Variants in KIDINS220 observed in about 807,000 individuals in gnomAD.
KIDINS220 encodes the protein kinase D-interacting substrate of 220 kDa.
In KIDINS220, 63 loss-of-function variants were observed where a neutral mutation model predicts 157.6. The observed-to-expected ratio is 0.40, with a 90% CI of 0.33 to 0.49. KIDINS220 has a LOEUF of 0.49. Among genes scored for constraint, KIDINS220 ranks in the 20% least tolerant of loss-of-function variants. The pLI is 0.66. For synonymous variants in KIDINS220, 732 were observed against 783.6 expected, an observed-to-expected ratio of 0.93 and a Z score of 1.10; for missense variants, 1,772 against 2,171.2, an observed-to-expected ratio of 0.82 and a Z score of 3.65.
At chr2:8,771,601 T>C (rs1670242713) in intron 21 of KIDINS220, among the ~76,000 whole-genome samples, 1 of 152,246 alleles carries the variant, frequency 6.6e-6, no homozygotes, top group Admixed American at 6.5e-5. Flanking sequence ...CATCATTATC[T>C]ATTTTGTTTG....
chr2:8,816,892 G>C (rs1677158434), intron 4 of KIDINS220, among the ~76,000 whole-genome samples: 1 of 152,194 alleles, frequency 6.6e-6, no homozygotes, highest in African/African-American at 2.4e-5. Flanking sequence ...GAACTACTGT[G>C]AAATTATAAT....
chr2:8,784,844 C>A (rs1181041117), intron 17 of KIDINS220, among the ~76,000 whole-genome samples: 1 of 152,198 alleles, frequency 6.6e-6, no homozygotes, highest in South Asian at 2.1e-4. Context: ...TCAGAACAGT[C>A]TGGTTGTTTC....
At chr2:8,726,254 C>CTT (rs1663301731), downstream of KIDINS220, among the ~76,000 whole-genome samples, 3 of 152,138 alleles carry the variant, frequency 2.0e-5, no homozygotes, top group Non-Finnish European at 4.4e-5. Flanking sequence ...GCTACCCGGG[C>CTT]CCCACTCAAA....
intron 26 of KIDINS220, among the ~76,000 whole-genome samples, chr2:8,743,421 T>A (rs1488625880): frequency 6.6e-6 from 1 of 152,128 alleles, no homozygotes; most frequent in East Asian, 1.9e-4. Flanking sequence ...GTAGTAATAA[T>A]AATAATGAAG....
chr2:8,741,399 T>G (rs1278763307), intron 26 of KIDINS220, among the ~76,000 whole-genome samples: 1 of 152,176 alleles, frequency 6.6e-6, no homozygotes, highest in Non-Finnish European at 1.5e-5. Flanking sequence ...AAACACTGTT[T>G]CTACTGAAAG....
At chr2:8,752,462 G>A (rs186491901) in intron 22 of KIDINS220, among the ~76,000 whole-genome samples, 92 of 152,278 alleles carry the variant, frequency 6.0e-4, no homozygotes, top group Non-Finnish European at 1.2e-3. Flanking sequence ...AGACGCACAT[G>A]CACAGGTGTG....
chr2:8,741,557 G>A (rs1416277147), intron 26 of KIDINS220, among the ~76,000 whole-genome samples: 3 of 152,152 alleles, frequency 2.0e-5, no homozygotes, highest in Non-Finnish European at 2.9e-5. Flanking sequence ...TCCAGCCTGG[G>A]TGACAGAGCG....
intron 1 of KIDINS220, among the ~76,000 whole-genome samples, chr2:8,834,231 T>C (rs1680062945): frequency 1.3e-5 from 2 of 152,044 alleles, no homozygotes; most frequent in South Asian, 2.1e-4. Flanking sequence ...AACCATTCTG[T>C]GCTCAAAACA....
At chr2:8,746,049 T>C (rs917447976) in intron 26 of KIDINS220, among the ~76,000 whole-genome samples, 4 of 151,634 alleles carry the variant, frequency 2.6e-5, no homozygotes, top group Non-Finnish European at 5.9e-5. Flanking sequence ...TAAATGAAGA[T>C]TTTAAAGCTC....
At chr2:8,808,427 C>T (rs1185407024) in intron 6 of KIDINS220, among the ~76,000 whole-genome samples, 4 of 152,112 alleles carry the variant, frequency 2.6e-5, no homozygotes, top group Non-Finnish European at 5.9e-5. Flanking sequence ...CTGAACTATC[C>T]ACGATTATAT....
intron 28 of KIDINS220, among the ~76,000 whole-genome samples, 179 bp downstream of exon 28, chr2:8,734,476 T>C (rs1664593715): frequency 6.6e-6 from 1 of 152,190 alleles, no homozygotes; most frequent in African/African-American, 2.4e-5. Flanking sequence ...CTGTGTGTAT[T>C]TTCCACAACA....
chr2:8,744,402 ATATATATATATATATATATATATAT>A (rs1558328761), intron 26 of KIDINS220, among the ~76,000 whole-genome samples: 58 of 3,392 alleles, frequency 0.017, 3 homozygotes, highest in African/African-American at 0.049. Context: ...TATATATATA[ATATATATATATATATATATATATAT>A]ATATATATAT....
At chr2:8,798,353 C>G (rs1674247651) in intron 9 of KIDINS220, 53 bp from the exon 10 acceptor site, 1 of 979,924 alleles carries the variant, frequency 1.0e-6, no homozygotes, top group Non-Finnish European at 1.6e-6. Context: ...ATATTTAAAA[C>G]TGCTACTTAT....
At chr2:8,778,286 A>C (rs1407260344) in intron 20 of KIDINS220, among the ~76,000 whole-genome samples, 1 of 152,214 alleles carries the variant, frequency 6.6e-6, no homozygotes, top group African/African-American at 2.4e-5. Context: ...CTCACACTAC[A>C]AACCTTTCTC....
At chr2:8,763,004 G>T (rs1392585575) in intron 22 of KIDINS220, among the ~76,000 whole-genome samples, 3 of 152,160 alleles carry the variant, frequency 2.0e-5, no homozygotes, top group Non-Finnish European at 4.4e-5. Context: ...CAACAGAAAA[G>T]ATAAATTCAA....
At chr2:8,770,918 T>A in intron 21 of KIDINS220, 86 bp from the exon 22 acceptor site, 1 of 754,884 alleles carries the variant, frequency 1.3e-6, no homozygotes, top group Non-Finnish European at 1.9e-6. Context: ...ACAAATATTT[T>A]AAATTTCTAA....
chr2:8,765,538 C>T (rs370677511), intron 22 of KIDINS220, among the ~76,000 whole-genome samples: 9 of 152,060 alleles, frequency 5.9e-5, no homozygotes, highest in Non-Finnish European at 1.0e-4. Context: ...GAAAGTATTG[C>T]GACAGGGGAG....
chr2:8,740,732 C>G (rs970755896), intron 26 of KIDINS220, among the ~76,000 whole-genome samples: 1 of 152,164 alleles, frequency 6.6e-6, no homozygotes. Flanking sequence ...GCTTCTAGCT[C>G]GAGAAACAGA....
chr2:8,793,764 C>T, intron 12 of KIDINS220, 46 bp downstream of exon 12: 2 of 1,499,848 alleles, frequency 1.3e-6, no homozygotes, highest in Non-Finnish European at 1.8e-6. Flanking sequence ...TTTAATGGAA[C>T]ATTGATTATT....
Sources: gnomAD v4.1 joint callset for allele counts (sites outside exome capture counted in the v4.1 genomes callset) on GRCh38, gnomAD v4.1.1 for gene constraint, MANE v1.5 for transcripts, NCBI Gene and HGNC (gene_info 2026-07-23, HGNC 2026-07-21) for gene names.